The following MAST4 variants were observed in gnomAD, a reference collection of about 807,000 sequenced individuals.
MAST4 encodes microtubule associated serine/threonine kinase family member 4.
In MAST4, 89 loss-of-function variants were observed where a neutral mutation model predicts 162.7. That is an observed-to-expected ratio of 0.55 (90% CI 0.46 to 0.65). The LOEUF (loss-of-function observed/expected upper bound fraction) is 0.65, where lower values mean the gene tolerates loss of function less well. MAST4 is among the 30% of genes least tolerant of loss of function. The pLI, the probability that MAST4 is intolerant of heterozygous loss-of-function variation, is 0.00. For missense variants in MAST4, 3,153 were observed against 3,374.0 expected, an observed-to-expected ratio of 0.93 and a Z score of 1.62; for synonymous variants, 1,479 against 1,361.1, an observed-to-expected ratio of 1.09 and a Z score of -1.91.
intron 1 of MAST4, among the ~76,000 whole-genome samples, chr5:66,682,175 T>C (rs1297540501): frequency 6.7e-6 from 1 of 149,946 alleles, no homozygotes; most frequent in Admixed American, 6.8e-5. Context: ...GGCTGCCCCA[T>C]AGGTCAAGAC....
chr5:66,871,812 C>T (rs571759827), intron 3 of MAST4, among the ~76,000 whole-genome samples: 1 of 152,298 alleles, frequency 6.6e-6, no homozygotes, highest in South Asian at 2.1e-4. Flanking sequence ...AGTTGCTGGA[C>T]ATAAGGCCAT....
In MAST4 at chr5:67,146,792, G is replaced by C. The variant is rs145253814; in HGVS notation, c.3094+1413G>C. 1.1e-3 allele frequency among the ~76,000 whole-genome samples: 163 copies of C among 152,240 alleles called. 2 individuals are homozygous for C. Among genetic ancestry groups the C allele is most frequent in the African/African-American group, 3.9e-3 (161 of 41,544 alleles). On this transcript the variant is annotated intron_variant, in intron 23 of 28. Transcript: ENST00000403625. Reference sequence around the variant, plus strand: ...CCACTTATCCTAATCATAAAGCCAAGAGAACAGCAATGAGGAAGTAGTGTA... The same window carrying C: ...CCACTTATCCTAATCATAAAGCCAACAGAACAGCAATGAGGAAGTAGTGTA...
intron 4 of MAST4, among the ~76,000 whole-genome samples, chr5:67,017,417 C>A (rs911855251): frequency 2.0e-5 from 3 of 152,144 alleles, no homozygotes; most frequent in Admixed American, 2.0e-4. Context: ...TGTACTGACA[C>A]AGGGTTTACC....
At chr5:66,629,988 A>G (rs1237856454) in intron 1 of MAST4, among the ~76,000 whole-genome samples, 1 of 152,180 alleles carries the variant, frequency 6.6e-6, no homozygotes, top group African/African-American at 2.4e-5. Flanking sequence ...AAGGTTTAAT[A>G]CCAATTTTTA....
rs753697066 is a variant in MAST4, at chr5:67,164,948, C to A, written c.5769C>A (p.Gly1923=). The change falls in exon 29 of 29, where the codon GGC becomes GGA. Residue 1923 remains glycine, a synonymous_variant. Coordinates refer to ENST00000403625, the MANE Select transcript of MAST4 (RefSeq NM_001164664.2). The surrounding 1 kb of genome is among the most constrained non-coding windows in gnomAD (Gnocchi z 5.3). ...AAAGCAATCCCCAACAGAGAGAGGG[C>A]AGCTCCCCTAAACACCAAGACCACA... The part of the protein sequence containing the change: ...VMESNPQQRE[G]SSPKHQDHTT... The A allele has an allele frequency of 1.9e-6, 3 of 1,613,830 alleles. No individual in the cohort carries two copies. The highest frequency in any genetic ancestry group is 2.5e-6 in the Non-Finnish European group (3 of 1,179,888).
chr5:67,165,784 C>A lies in MAST4; in HGVS notation c.6605C>A (p.Pro2202His). 1 of 1,607,150 alleles carries A rather than the reference C, an allele frequency of 6.2e-7. No homozygotes were observed. The highest frequency in any genetic ancestry group is 2.2e-5 in the East Asian group (1 of 44,474). The change falls in exon 29 of 29, where the codon CCT becomes CAT. Residue 2202 changes from proline to histidine, a missense_variant. Coordinates refer to ENST00000403625, the MANE Select transcript of MAST4 (RefSeq NM_001164664.2). ...CCCCGGCCTGGCCCTGACCCGGGCCCTCCAAAGACTAAGCACCCCGACCGG... is the reference window on the plus strand; with the variant it reads ...CCCCGGCCTGGCCCTGACCCGGGCCATCCAAAGACTAAGCACCCCGACCGG... ...HKPRPGPDPG[P>H]PKTKHPDRSL... is the part of the protein sequence containing the mutation.
chr5:66,679,402 A>T (rs1748179432), intron 1 of MAST4, among the ~76,000 whole-genome samples: 1 of 152,216 alleles, frequency 6.6e-6, no homozygotes, highest in African/African-American at 2.4e-5. Context: ...GCTCAGAGAG[A>T]CATCGGGAGC....
intron 16 of MAST4, among the ~76,000 whole-genome samples, chr5:67,132,493 G>A (rs1215932087): frequency 6.6e-6 from 1 of 151,826 alleles, no homozygotes; most frequent in African/African-American, 2.4e-5. Context: ...TCTTTATTTG[G>A]TGTCATACTT....
intron 1 of MAST4, among the ~76,000 whole-genome samples, chr5:66,758,769 T>C (rs1053074879): frequency 6.6e-6 from 1 of 152,344 alleles, no homozygotes; most frequent in East Asian, 1.9e-4. Context: ...GCTCTTAAAA[T>C]GCCCGGCTTT....
chr5:66,663,184 T>C (rs9764595), intron 1 of MAST4, among the ~76,000 whole-genome samples: 16,149 of 152,238 alleles, frequency 0.11, 1,057 homozygotes, highest in East Asian at 0.27. Flanking sequence ...TATTTGTGCT[T>C]AGGCTGTATG....
intron 4 of MAST4, among the ~76,000 whole-genome samples, chr5:67,045,422 T>C (rs468018): frequency 0.38 from 58,398 of 152,060 alleles, 11,547 homozygotes; most frequent in African/African-American, 0.43. Flanking sequence ...ATAGCTATGC[T>C]GATATGTCTA....
In MAST4 at chr5:67,164,650, A is replaced by C; in HGVS notation, c.5471A>C (p.Glu1824Ala). The C allele has an allele frequency of 6.2e-7, 1 of 1,613,998 alleles. No individual in the cohort carries two copies. The highest frequency in any genetic ancestry group is 1.1e-5 in the South Asian group (1 of 91,080). The change falls in exon 29 of 29, where the codon GAG (glutamate) becomes GCG (alanine). Residue 1824 changes from glutamate (E) to alanine (A), a missense_variant. By Grantham distance (107) the Glu-to-Ala change is moderately radical. This residue lies in a region of MAST4 where 1,644 missense variants were observed against 1,495.0 expected (regional missense o/e 1.10). Coordinates refer to ENST00000403625, the MANE Select transcript of MAST4 (RefSeq NM_001164664.2). This position sits in a 1 kb window ranked among gnomAD's most constrained non-coding sequence, Gnocchi z 5.3. ...TCCAAGACAGAACTGCCTTCCCCAG[A>C]GTCTGCACAGAGCCCCAGCCCAAGT... The part of the protein sequence containing the change: ...QASKTELPSP[E>A]SAQSPSPSGD...
intron 4 of MAST4, among the ~76,000 whole-genome samples, chr5:66,942,712 T>C (rs962836177): frequency 6.6e-6 from 1 of 152,130 alleles, no homozygotes; most frequent in Non-Finnish European, 1.5e-5. Context: ...GTAGCCATGA[T>C]CGATGTCATG....
intron 2 of MAST4, among the ~76,000 whole-genome samples, chr5:66,766,866 A>G (rs1754119605): frequency 1.3e-5 from 2 of 152,214 alleles, no homozygotes; most frequent in Non-Finnish European, 2.9e-5. Flanking sequence ...TGACAAGCAA[A>G]CCAGAAAATA....
At chr5:66,691,900 T>C (rs144359375) in intron 1 of MAST4, among the ~76,000 whole-genome samples, 108 of 152,258 alleles carry the variant, frequency 7.1e-4, no homozygotes, top group African/African-American at 2.4e-3. Flanking sequence ...TGATTGTGAG[T>C]GTCCTAGGCT....
chr5:66,911,451 C>G (rs770223759), intron 4 of MAST4, among the ~76,000 whole-genome samples: 27 of 151,328 alleles, frequency 1.8e-4, no homozygotes, highest in Non-Finnish European at 3.1e-4. Flanking sequence ...CCTATAATGC[C>G]AGCACTTGGA....
chr5:66,670,239 A>G (rs1747522462), intron 1 of MAST4, among the ~76,000 whole-genome samples: 1 of 152,188 alleles, frequency 6.6e-6, no homozygotes, highest in Non-Finnish European at 1.5e-5. Flanking sequence ...TCTTGGAGTT[A>G]CTGTGATTTT....
intron 6 of MAST4, among the ~76,000 whole-genome samples, chr5:67,095,366 A>G (rs1481636605): frequency 6.6e-6 from 1 of 152,164 alleles, no homozygotes; most frequent in Non-Finnish European, 1.5e-5. Context: ...GTGAGACATC[A>G]ATAATATGGA....
At position 66,984,223 on chromosome 5, in the gene MAST4, T is replaced by C. The variant is rs527400624; in HGVS notation, c.675-70181T>C. On this transcript the variant is annotated intron_variant, in intron 4 of 28. Transcript: ENST00000403625. The stretch of plus-strand genomic sequence containing the variant: ...CTTCTTTCTTCCTGAAGGAGTGGCA[T>C]GCGAGCTGGAACTAAATGACCAGAA... Among the ~76,000 whole-genome samples, 3 of 152,202 alleles carry C rather than the reference T, an allele frequency of 2.0e-5. No individual in the cohort carries two copies. The East Asian group carries it at 5.8e-4, about 29-fold the overall frequency.
Sources: allele counts gnomAD v4.1 joint callset (sites outside exome capture counted in the v4.1 genomes callset), GRCh38; gene constraint gnomAD v4.1.1; regional missense constraint gnomAD v4.1.1; non-coding constraint Gnocchi (gnomAD v3.1); transcripts MANE v1.5; gene names NCBI Gene and HGNC (gene_info 2026-07-23, HGNC 2026-07-21).